The following FXN variants were observed in gnomAD, a reference collection of about 807,000 sequenced individuals.
The protein encoded by FXN is frataxin.
A neutral mutation model predicts 22.4 loss-of-function variants in FXN; 14 were observed. The observed-to-expected ratio is 0.62, with a 90% confidence interval of 0.41 to 0.98. FXN has a LOEUF of 0.98. Among genes scored for constraint, FXN ranks in the 50% least tolerant of loss-of-function variants. The probability of loss-of-function intolerance (pLI) is 0.00; values close to 1 mark genes in which losing one functional copy is unlikely to be tolerated. For missense variants in FXN, 267 were observed against 268.4 expected (o/e 0.99, Z 0.04); for synonymous variants, 120 against 114.1 (o/e 1.05, Z -0.33).
Position 69,075,702 on chromosome 9 carries a change from T to C in FXN, c.*2940T>C, listed in dbSNP as rs1482976247. The stretch of plus-strand genomic sequence containing the variant: ...TAACATACTGGAGGAGGTGAGGAAT[T>C]GCATAATACAATCTTAGAAAACTTT... On this transcript the variant is annotated 3_prime_UTR_variant, in exon 5 of 5. Coordinates refer to ENST00000484259, the MANE Select transcript of FXN (RefSeq NM_000144.5). The C allele has an allele frequency of 1.1e-5, 11 of 985,196 alleles. No individual in the cohort carries two copies. Among genetic ancestry groups the C allele is most frequent in the African/African-American group, 3.5e-5 (2 of 57,208 alleles). The allele number at this position is 985,196 out of a possible 1,614,324, so 61.0% of individuals were successfully genotyped here. A position where few individuals can be genotyped will look rare whatever the true frequency, so the allele number is the denominator to read the frequency against.
intron 1 of FXN, among the ~76,000 whole-genome samples, chr9:69,038,992 C>T (rs1199907125): frequency 6.6e-6 from 1 of 151,634 alleles, no homozygotes; most frequent in African/African-American, 2.4e-5. Context: ...GTTGCTCACA[C>T]CTGTAATCCC....
At chr9:69,046,509 A>G in intron 2 of FXN, 27 bp downstream of exon 2, 1 of 1,503,908 alleles carries the variant, frequency 6.6e-7, no homozygotes, top group Non-Finnish European at 9.2e-7. Flanking sequence ...TCCACGTCAT[A>G]GGTATCTTCC....
chr9:69,051,179 C>G (rs1831842850), intron 2 of FXN, among the ~76,000 whole-genome samples: 1 of 152,226 alleles, frequency 6.6e-6, no homozygotes, highest in African/African-American at 2.4e-5. Flanking sequence ...CTCACTGCAG[C>G]CTTGACCTCC....
At position 69,076,642 on chromosome 9, in the gene FXN, G is replaced by A. The variant is rs981631247; in HGVS notation, c.*3880G>A. On this transcript the variant is annotated 3_prime_UTR_variant, in exon 5 of 5. Transcript: ENST00000484259. ...GATGCTTTTGCCACCTCTAAAGGAA[G>A]ACCCATGTTCATAGTGATGGAGTTT... 1.5e-5 allele frequency: 15 copies of A among 985,326 alleles called. No homozygotes were observed. The highest frequency in any genetic ancestry group is 1.7e-5 in the Non-Finnish European group (14 of 829,954). The allele number at this position is 985,326 out of a possible 1,614,324, so 61.0% of individuals were successfully genotyped here. A position where few individuals can be genotyped will look rare whatever the true frequency, so the allele number is the denominator to read the frequency against.
rs1344864688 is a variant in FXN at position 69,045,196 on chromosome 9, T to C, written c.166-1189T>C. On this transcript the variant is annotated intron_variant, in intron 1 of 4. Coordinates refer to ENST00000484259, the MANE Select transcript of FXN (RefSeq NM_000144.5). Reference sequence around the variant, plus strand: ...AAATTTAAATGTAAATAGCTACGTGTGGCTTGTTGGCTAGCCTATTGGAAA... The same window carrying C: ...AAATTTAAATGTAAATAGCTACGTGCGGCTTGTTGGCTAGCCTATTGGAAA... Among the ~76,000 whole-genome samples the C allele has an allele frequency of 2.6e-5, 4 of 151,852 alleles. No homozygotes were observed. The East Asian group carries it at 7.7e-4, about 29-fold the overall frequency.
intron 1 of FXN, among the ~76,000 whole-genome samples, chr9:69,040,434 C>T (rs1039173020): frequency 6.6e-6 from 1 of 152,050 alleles, no homozygotes; most frequent in African/African-American, 2.4e-5. Context: ...TTTGGGAGGC[C>T]GAGGCAGGTG....
intron 4 of FXN, 137 bp downstream of exon 4, chr9:69,065,172 AGGAGGAT>A: frequency 1.4e-6 from 1 of 714,710 alleles, no homozygotes; most frequent in Admixed American, 2.0e-5. Context: ...AGGCTGAGGT[AGGAGGAT>A]CACTTGAGGA....
intron 3 of FXN, among the ~76,000 whole-genome samples, chr9:69,056,388 G>A (rs1831959551): frequency 1.3e-5 from 2 of 152,232 alleles, no homozygotes; most frequent in South Asian, 4.1e-4. Context: ...GAGGATCTAT[G>A]AATATGCACA....
At chr9:69,044,666 C>T (rs981331083) in intron 1 of FXN, among the ~76,000 whole-genome samples, 1 of 152,122 alleles carries the variant, frequency 6.6e-6, no homozygotes, top group East Asian at 1.9e-4. Context: ...GCCCCCTCCT[C>T]GCTCCATCAC....
intron 1 of FXN, among the ~76,000 whole-genome samples, chr9:69,045,317 T>C (rs2498425): frequency 0.94 from 142,866 of 152,052 alleles, 67,772 homozygotes; most frequent in East Asian, 1. Context: ...AATACTTTAA[T>C]ATAGGGCTGG....
intron 1 of FXN, among the ~76,000 whole-genome samples, chr9:69,040,779 A>G (rs1831643325): frequency 6.6e-6 from 1 of 152,156 alleles, no homozygotes. Context: ...AAACCTAATC[A>G]CCAAAGTGAT....
chr9:69,077,889 C>T lies in FXN; in HGVS notation c.*5127C>T. ...AGGTTGCAGTGAGCCGAGATTACAC[C>T]ACTGCACTCCAGCCTGGGTGACAAG... On this transcript the variant is annotated 3_prime_UTR_variant, in exon 5 of 5. Transcript: ENST00000484259. The T allele has an allele frequency of 9.8e-6, 9 of 919,454 alleles. No individual in the cohort carries two copies. The highest frequency in any genetic ancestry group is 1.0e-5 in the Non-Finnish European group (8 of 770,300). 57.0% of individuals were successfully genotyped at this position (919,454 alleles called of 1,614,324 possible). A position where few individuals can be genotyped will look rare whatever the true frequency, so the allele number is the denominator to read the frequency against.
intron 4 of FXN, among the ~76,000 whole-genome samples, chr9:69,066,214 G>A (rs1832163316): frequency 6.6e-6 from 1 of 152,160 alleles, no homozygotes; most frequent in Non-Finnish European, 1.5e-5. Context: ...CTGTGAATTG[G>A]GAAAGGGCCA....
chr9:69,073,800 G>A lies in FXN; in HGVS notation c.*1038G>A. 1.0e-6 allele frequency: 1 copy of A among 985,308 alleles called. No individual in the cohort carries two copies. The highest frequency in any genetic ancestry group is 1.2e-6 in the Non-Finnish European group (1 of 829,902). 61.0% of individuals were successfully genotyped at this position (985,308 alleles called of 1,614,324 possible). ...TCTAATTCCCTATTGGGTAGATGAG[G>A]GGATGACAAAGAACAGTTTTTAAGC... is the stretch of plus-strand genomic sequence containing the variant. On this transcript the variant is annotated 3_prime_UTR_variant, in exon 5 of 5. Transcript: ENST00000484259.
At chr9:69,044,822 A>AG in intron 1 of FXN, among the ~76,000 whole-genome samples, 1 of 152,202 alleles carries the variant, frequency 6.6e-6, no homozygotes. Flanking sequence ...CTGGATGTCC[A>AG]GCAGTTAGGG....
intron 3 of FXN, among the ~76,000 whole-genome samples, chr9:69,061,356 T>TC (rs1832069412): frequency 6.6e-6 from 1 of 152,030 alleles, no homozygotes; most frequent in African/African-American, 2.4e-5. Context: ...CAGGCGCCGC[T>TC]CATCAGTGAT....
At chr9:69,050,244 A>C (rs1831826807) in intron 2 of FXN, among the ~76,000 whole-genome samples, 1 of 152,230 alleles carries the variant, frequency 6.6e-6, no homozygotes, top group South Asian at 2.1e-4. Context: ...TTTGCAGCGT[A>C]GTATTCCATT....
rs147571636 is a variant in FXN at position 69,053,233 on chromosome 9, G to T, written c.357G>T (p.Thr119=). ...FFEDLADKPY[T]FEDYDVSFGS... is the part of the protein sequence containing the mutation. Reference sequence around the variant, plus strand: ...AAGACCTTGCAGACAAGCCATACACGTTTGAGGACTATGATGTCTCCTTTG... The same window carrying T: ...AAGACCTTGCAGACAAGCCATACACTTTTGAGGACTATGATGTCTCCTTTG... Residue 119 remains threonine (T), a synonymous_variant, in exon 3 of 5, where the codon ACG becomes ACT. Transcript: ENST00000484259. 6.2e-7 allele frequency: 1 copy of T among 1,613,638 alleles called. No homozygotes were observed. The highest frequency in any genetic ancestry group is 8.5e-7 in the Non-Finnish European group (1 of 1,179,890).
At chr9:69,036,004 C>A in intron 1 of FXN, 57 bp downstream of exon 1, 1 of 1,281,890 alleles carries the variant, frequency 7.8e-7, no homozygotes, top group Non-Finnish European at 9.8e-7. Flanking sequence ...GCACGCCGCA[C>A]GCCTGCGCAG....
Sources: allele counts gnomAD v4.1 joint callset (sites outside exome capture counted in the v4.1 genomes callset), GRCh38; gene constraint gnomAD v4.1.1; transcripts MANE v1.5; gene names NCBI Gene and HGNC (gene_info 2026-07-23, HGNC 2026-07-21).